The following AFG2A variants were observed in gnomAD, a reference collection of about 807,000 sequenced individuals.
AFG2A encodes ATPase family gene 2 protein homolog A.
chr4:123,046,125 A>C, the AFG2A span, among the ~76,000 whole-genome samples: 1 of 152,028 alleles, frequency 6.6e-6, no homozygotes, highest in Non-Finnish European at 1.5e-5. Context: ...AAGAAAAAGA[A>C]ATAAATACCC....
chr4:123,233,921 C>T, the AFG2A span, among the ~76,000 whole-genome samples: 3 of 152,024 alleles, frequency 2.0e-5, no homozygotes, highest in East Asian at 1.9e-4. Context: ...GCTTATAGGT[C>T]TGCATTAGGT....
chr4:123,041,717 G>A, the AFG2A span, among the ~76,000 whole-genome samples: 4 of 151,542 alleles, frequency 2.6e-5, no homozygotes, highest in Admixed American at 6.6e-5. Flanking sequence ...TAGTAGAGAT[G>A]TGGTTTCTCC....
At chr4:123,109,101 G>A in the AFG2A span, among the ~76,000 whole-genome samples, 2 of 152,156 alleles carry the variant, frequency 1.3e-5, no homozygotes, top group Non-Finnish European at 2.9e-5. Flanking sequence ...AAGAGAAAGA[G>A]GGAAGATGGA....
At chr4:123,170,724 A>G in the AFG2A span, among the ~76,000 whole-genome samples, 1 of 152,174 alleles carries the variant, frequency 6.6e-6, no homozygotes, top group Non-Finnish European at 1.5e-5. Flanking sequence ...TTTTTTCCCC[A>G]GAGTGTTGAC....
chr4:123,035,740 G>T, the AFG2A span, among the ~76,000 whole-genome samples: 1 of 152,004 alleles, frequency 6.6e-6, no homozygotes, highest in South Asian at 2.1e-4. Flanking sequence ...AAAAAGTCTT[G>T]ATGTGAAAAT....
chr4:123,137,641 C>G, the AFG2A span, among the ~76,000 whole-genome samples: 1 of 152,112 alleles, frequency 6.6e-6, no homozygotes. Flanking sequence ...GTTTGCTGTA[C>G]AGTCTTAATC....
the AFG2A span, among the ~76,000 whole-genome samples, chr4:123,079,674 T>A: frequency 9.9e-5 from 15 of 151,992 alleles, no homozygotes; most frequent in Admixed American, 5.3e-4. Flanking sequence ...ATCCAGTTGT[T>A]ATTTTTTATT....
the AFG2A span, among the ~76,000 whole-genome samples, chr4:122,965,859 G>T: frequency 6.6e-6 from 1 of 152,216 alleles, no homozygotes; most frequent in East Asian, 1.9e-4. Flanking sequence ...TAGAAATGGT[G>T]ATGGCCAATA....
chr4:122,970,578 C>CT, the AFG2A span, among the ~76,000 whole-genome samples: 1 of 145,314 alleles, frequency 6.9e-6, no homozygotes, highest in Admixed American at 7.0e-5. Flanking sequence ...TGTACCTTTT[C>CT]TTTTTCTATG....
At chr4:122,947,487 A>G in the AFG2A span, 4 of 1,607,240 alleles carry the variant, frequency 2.5e-6, no homozygotes, top group Admixed American at 6.7e-5. Flanking sequence ...GTAATGAAGC[A>G]GGTGAGTGTG....
chr4:123,096,197 T>C, the AFG2A span, among the ~76,000 whole-genome samples: 1 of 151,038 alleles, frequency 6.6e-6, no homozygotes, highest in Non-Finnish European at 1.5e-5. Context: ...CCTGCTTAGA[T>C]AGTGAAGAGA....
chr4:123,109,091 AAG>A, the AFG2A span, among the ~76,000 whole-genome samples: 31 of 152,164 alleles, frequency 2.0e-4, no homozygotes, highest in African/African-American at 7.5e-4. Flanking sequence ...AGAGGGGAAA[AAG>A]AGAAAGAGGG....
the AFG2A span, among the ~76,000 whole-genome samples, chr4:122,950,180 G>A: frequency 3.9e-3 from 601 of 152,274 alleles, 2 homozygotes; most frequent in African/African-American, 0.013. Context: ...TGTCCACAGA[G>A]CCAACTCCTA....
chr4:123,084,338 C>T, the AFG2A span, among the ~76,000 whole-genome samples: 2 of 151,480 alleles, frequency 1.3e-5, no homozygotes, highest in Non-Finnish European at 2.9e-5. Context: ...TTATTTCTTT[C>T]GTTCTGCTTA....
the AFG2A span, among the ~76,000 whole-genome samples, chr4:122,999,072 G>C: frequency 1.1e-3 from 168 of 149,980 alleles, no homozygotes; most frequent in African/African-American, 3.9e-3. Flanking sequence ...GTGATGGTGA[G>C]CATTTTTTCA....
the AFG2A span, among the ~76,000 whole-genome samples, chr4:123,016,411 G>C: frequency 1.1e-3 from 171 of 151,502 alleles, no homozygotes; most frequent in African/African-American, 4.0e-3. Context: ...CAGACAGGGC[G>C]GCTGGGCAGA....
At chr4:122,956,769 T>C in the AFG2A span, among the ~76,000 whole-genome samples, 1 of 152,194 alleles carries the variant, frequency 6.6e-6, no homozygotes, top group Non-Finnish European at 1.5e-5. Flanking sequence ...CAGAATCCAG[T>C]AGGGAAAATA....
chr4:123,197,892 T>C, the AFG2A span, among the ~76,000 whole-genome samples: 4 of 152,188 alleles, frequency 2.6e-5, no homozygotes, highest in African/African-American at 9.6e-5. Flanking sequence ...ATTAAGAGTT[T>C]TTGAATGCTG....
At chr4:123,149,011 C>T in the AFG2A span, among the ~76,000 whole-genome samples, 40 of 152,162 alleles carry the variant, frequency 2.6e-4, no homozygotes, top group African/African-American at 9.2e-4. Context: ...TCAGGTAATC[C>T]GCCTGCCTCG....
Sources: allele counts gnomAD v4.1 joint callset (sites outside exome capture counted in the v4.1 genomes callset), GRCh38; gene constraint gnomAD v4.1.1; transcripts MANE v1.5; gene names NCBI Gene and HGNC (gene_info 2026-07-23, HGNC 2026-07-21).